IRX1: variants seen among roughly 807,000 people sequenced by gnomAD.
The protein encoded by IRX1 is iroquois homeobox 1, also known as iroquois-class homeodomain protein IRX-1.
In IRX1, 22 loss-of-function variants were observed where a neutral mutation model predicts 34.1. The observed-to-expected ratio is 0.64, with a 90% confidence interval of 0.46 to 0.92. IRX1 has a LOEUF of 0.92. Ranked by LOEUF, IRX1 falls within the 40% of genes least tolerant of loss-of-function variation. IRX1 has a pLI of 0.00. For missense variants in IRX1, 758 were observed against 680.0 expected (o/e 1.11, Z -1.28); for synonymous variants, 363 against 319.0 (o/e 1.14, Z -1.47).
At position 3,600,067 on chromosome 5, in the gene IRX1, C is replaced by T. The variant is rs529840430; in HGVS notation, c.1119C>T (p.Asn373=). 9.3e-6 allele frequency: 15 copies of T among 1,610,838 alleles called. No individual in the cohort carries two copies. In the East Asian group the frequency reaches 2.9e-4, roughly 31 times the overall value. Residue 373 remains asparagine, a synonymous_variant, in exon 2 of 4, where the codon AAC becomes AAT. Transcript: ENST00000302006. Reference sequence around the variant, plus strand: ...CCTGCCACATCGGCAAGTTCTCCAACTGGACCAACAGCGCATTCCTCGCAC... The same window carrying T: ...CCTGCCACATCGGCAAGTTCTCCAATTGGACCAACAGCGCATTCCTCGCAC... ...LYTCHIGKFS[N]WTNSAFLAQG...
At chr5:3,598,380 C>A (rs1733848483) in intron 1 of IRX1, among the ~76,000 whole-genome samples, 1 of 152,090 alleles carries the variant, frequency 6.6e-6, no homozygotes, top group Non-Finnish European at 1.5e-5. Flanking sequence ...GTGTTTGCTC[C>A]CTCCAGATCA....
Position 3,596,078 on chromosome 5 carries a change from C to A in IRX1, c.-28C>A. 1 of 1,058,092 alleles carries A rather than the reference C, an allele frequency of 9.5e-7. No homozygotes were observed. Among genetic ancestry groups the A allele is most frequent in the South Asian group, 4.3e-5 (1 of 23,188 alleles). 65.5% of individuals were successfully genotyped at this position (1,058,092 alleles called of 1,614,324 possible). A position where few individuals can be genotyped will look rare whatever the true frequency, so the allele number is the denominator to read the frequency against. On this transcript the variant is annotated 5_prime_UTR_variant, in exon 1 of 4. Coordinates refer to ENST00000302006, the MANE Select transcript of IRX1 (RefSeq NM_024337.4). ...CCTCCCCGCGCCTTTAATACTCGCC[C>A]GCTGCGGCGGTCGCCGAGTCCGCGG...
At chr5:3,596,447 C>G (rs1026919200) in intron 1 of IRX1, 66 bp downstream of exon 1, 186 of 1,355,776 alleles carry the variant, frequency 1.4e-4, no homozygotes, top group East Asian at 4.7e-4. Context: ...GGTGGCGGGT[C>G]GCCCGGGAGG....
At chr5:3,598,263 AC>A (rs748983035) in intron 1 of IRX1, among the ~76,000 whole-genome samples, 1 of 152,240 alleles carries the variant, frequency 6.6e-6, no homozygotes, top group Non-Finnish European at 1.5e-5. Flanking sequence ...AATGTTATTT[AC>A]CAAAAAACCT....
chr5:3,600,197 G>A lies in IRX1; in HGVS notation c.1249G>A (p.Ala417Thr), dbSNP rs1462568338. 1 of 1,611,732 alleles carries A rather than the reference G, an allele frequency of 6.2e-7. No homozygotes were observed. The highest frequency in any genetic ancestry group is 8.5e-7 in the Non-Finnish European group (1 of 1,179,542). Reference sequence around the variant, plus strand: ...ACCTCCACCACCGCAGCCGCCGGTCGCTATTGCCCCGGGGGCACTCAATGG... The same window carrying A: ...ACCTCCACCACCGCAGCCGCCGGTCACTATTGCCCCGGGGGCACTCAATGG... ...PAPPPPQPPV[A>T]IAPGALNGDK... is the part of the protein sequence containing the mutation. Residue 417 changes from alanine to threonine, a missense_variant, in exon 2 of 4, where the codon GCT (alanine) becomes ACT (threonine). Physicochemically the swap from Ala to Thr is moderately conservative, Grantham distance 58 (BLOSUM62 0). Around this residue, in one of 3 missense-constraint regions of IRX1, gnomAD observed 529 missense variants for 418.8 expected, o/e 1.26. Transcript: ENST00000302006.
At chr5:3,597,688 A>G (rs1000881736) in intron 1 of IRX1, among the ~76,000 whole-genome samples, 4 of 152,242 alleles carry the variant, frequency 2.6e-5, no homozygotes, top group Non-Finnish European at 4.4e-5. Flanking sequence ...CAAAATAATT[A>G]GAAAAGCGCA....
At position 3,601,232 on chromosome 5, in the gene IRX1, G is replaced by C; in HGVS notation, c.*192G>C. On this transcript the variant is annotated 3_prime_UTR_variant, in exon 4 of 4. Coordinates refer to ENST00000302006, the MANE Select transcript of IRX1 (RefSeq NM_024337.4). Reference sequence around the variant, plus strand: ...CCCGAGCTCGCGTCCAGGTGGCCAGGCCTCTGCCGGCGGCTCCAGTGGCTG... The same window carrying C: ...CCCGAGCTCGCGTCCAGGTGGCCAGCCCTCTGCCGGCGGCTCCAGTGGCTG... 1.6e-6 allele frequency: 1 copy of C among 612,524 alleles called. No homozygotes were observed. Among genetic ancestry groups the C allele is most frequent in the South Asian group, 1.9e-5 (1 of 51,454 alleles). The allele number at this position is 612,524 out of a possible 1,614,324, so 37.9% of individuals were successfully genotyped here.
Position 3,599,888 on chromosome 5 carries a change from C to A in IRX1, c.940C>A (p.Pro314Thr). 1 of 1,489,452 alleles carries A rather than the reference C, an allele frequency of 6.7e-7. No individual in the cohort carries two copies. The highest frequency in any genetic ancestry group is 8.9e-7 in the Non-Finnish European group (1 of 1,121,872). 92.3% of individuals were successfully genotyped at this position (1,489,452 alleles called of 1,614,324 possible). The change falls in exon 2 of 4, where the codon CCC (proline) becomes ACC (threonine). Residue 314 changes from proline (P) to threonine (T), a missense_variant. By Grantham distance (38) the Pro-to-Thr change is conservative. Around this residue, in one of 3 missense-constraint regions of IRX1, gnomAD observed 529 missense variants for 418.8 expected, o/e 1.26. Transcript: ENST00000302006. This position sits in a 1 kb window ranked among gnomAD's most constrained non-coding sequence, Gnocchi z 6.6. ...CCTGCAGGGTGCGCCGCACGGCAAG[C>A]CCAAGATCTGGTCGCTGGCGGAGAC... ...GGLQGAPHGKPKIWSLAETAT... is the reference protein window; with the variant it reads ...GGLQGAPHGKTKIWSLAETAT...
chr5:3,600,919 C>A, intron 3 of IRX1, 64 bp from the exon 4 acceptor site: 1 of 1,537,722 alleles, frequency 6.5e-7, no homozygotes, highest in Non-Finnish European at 9.0e-7. Context: ...ACCGGCGTCG[C>A]CCGGCGCTGC....
At chr5:3,597,686 T>C (rs1454494391) in intron 1 of IRX1, among the ~76,000 whole-genome samples, 4 of 152,228 alleles carry the variant, frequency 2.6e-5, no homozygotes, top group Admixed American at 2.0e-4. Context: ...ACCAAAATAA[T>C]TAGAAAAGCG....
At chr5:3,598,104 T>G (rs1335095857) in intron 1 of IRX1, among the ~76,000 whole-genome samples, 1 of 152,088 alleles carries the variant, frequency 6.6e-6, no homozygotes, top group Non-Finnish European at 1.5e-5. Context: ...TCTGAGAGAG[T>G]AAACTCAAAC....
At position 3,596,394 on chromosome 5, in the gene IRX1, G is replaced by C. The variant is rs1453964645; in HGVS notation, c.276+13G>C. On this transcript the variant is annotated intron_variant, in intron 1 of 3. Transcript: ENST00000302006. The stretch of plus-strand genomic sequence containing the variant: ...CTTCTCGCAGATGGTGAGTGCGCCC[G>C]GCCTCCCCCGCTTCTCCTCTGTCTC... 2 of 1,500,534 alleles carry C rather than the reference G, an allele frequency of 1.3e-6. No homozygotes were observed. The highest frequency in any genetic ancestry group is 2.2e-5 in the Admixed American group (1 of 45,342). 93.0% of individuals were successfully genotyped at this position (1,500,534 alleles called of 1,614,324 possible). A position where few individuals can be genotyped will look rare whatever the true frequency, so the allele number is the denominator to read the frequency against.
In IRX1 at chr5:3,600,121, C is replaced by A; in HGVS notation, c.1173C>A (p.Phe391Leu). ...GCTCCCTGCTCAACATGCGCTCCTT[C>A]CTGGGCGTTGGCGCTCCCCACGCCG... Reference protein sequence around the residue: ...AQGSLLNMRSFLGVGAPHAAP... With the variant: ...AQGSLLNMRSLLGVGAPHAAP... The change falls in exon 2 of 4, where the codon TTC becomes TTA. Residue 391 changes from phenylalanine to leucine, a missense_variant. Phe to Leu is a conservative substitution (Grantham distance 22, BLOSUM62 0). Around this residue, in one of 3 missense-constraint regions of IRX1, gnomAD observed 529 missense variants for 418.8 expected, o/e 1.26. Coordinates refer to ENST00000302006, the MANE Select transcript of IRX1 (RefSeq NM_024337.4). 6 of 1,613,380 alleles carry A rather than the reference C, an allele frequency of 3.7e-6. No individual in the cohort carries two copies. The South Asian group carries it at 6.6e-5, about 18-fold the overall frequency.
intron 2 of IRX1, 73 bp downstream of exon 2, chr5:3,600,333 G>C (rs949953563): frequency 5.8e-6 from 8 of 1,373,370 alleles, no homozygotes; most frequent in Non-Finnish European, 3.9e-6. Flanking sequence ...GGTAGCGTGG[G>C]GTGCAGCATG....
intron 1 of IRX1, 66 bp downstream of exon 1, chr5:3,596,447 C>T: frequency 7.4e-7 from 1 of 1,355,776 alleles, no homozygotes; most frequent in Middle Eastern, 2.8e-4. Flanking sequence ...GGTGGCGGGT[C>T]GCCCGGGAGG....
intron 3 of IRX1, 122 bp downstream of exon 3, chr5:3,600,803 G>A: frequency 6.9e-6 from 8 of 1,152,308 alleles, no homozygotes; most frequent in Non-Finnish European, 1.0e-5. Context: ...TTGAAGGAGC[G>A]CTCCCCGCCA....
chr5:3,597,243 G>T (rs374862146), intron 1 of IRX1, among the ~76,000 whole-genome samples: 4 of 152,336 alleles, frequency 2.6e-5, no homozygotes, highest in East Asian at 1.9e-4. Flanking sequence ...CTCCGCGGGG[G>T]CATTGGCCTG....
Position 3,599,657 on chromosome 5 carries a change from G to T in IRX1, c.709G>T (p.Asp237Tyr), listed in dbSNP as rs772759799. The T allele has an allele frequency of 3.7e-6, 6 of 1,613,670 alleles. No individual in the cohort carries two copies. The highest frequency in any genetic ancestry group is 3.3e-5 in the Admixed American group (2 of 60,008). Residue 237 changes from aspartate (D) to tyrosine (Y), a missense_variant, in exon 2 of 4, where the codon GAT becomes TAT. This residue lies in a region of IRX1 where 529 missense variants were observed against 418.8 expected (regional missense o/e 1.26). Transcript: ENST00000302006. This position sits in a 1 kb window ranked among gnomAD's most constrained non-coding sequence, Gnocchi z 6.6. ...CGACATTGACAAGATCGACGAGCAC[G>T]ATGGCGACCAGAGCAACGAGGATGA... ...SIDIDKIDEHDGDQSNEDDED... is the reference protein window; with the variant it reads ...SIDIDKIDEHYGDQSNEDDED...
rs1020201219 is a variant in IRX1 at position 3,601,207 on chromosome 5, C to A, written c.*167C>A. 5.9e-6 allele frequency: 4 copies of A among 680,072 alleles called. No individual in the cohort carries two copies. The highest frequency in any genetic ancestry group is 5.4e-5 in the African/African-American group (3 of 55,876). The allele number at this position is 680,072 out of a possible 1,614,324, so 42.1% of individuals were successfully genotyped here. ...TTCTGCAGAAAGGGGCTTCTTCGGT[C>A]CCGAGCTCGCGTCCAGGTGGCCAGG... On this transcript the variant is annotated 3_prime_UTR_variant, in exon 4 of 4. Coordinates refer to ENST00000302006, the MANE Select transcript of IRX1 (RefSeq NM_024337.4).
Sources: allele counts gnomAD v4.1 joint callset (sites outside exome capture counted in the v4.1 genomes callset), GRCh38; gene constraint gnomAD v4.1.1; regional missense constraint gnomAD v4.1.1; non-coding constraint Gnocchi (gnomAD v3.1); transcripts MANE v1.5; gene names NCBI Gene and HGNC (gene_info 2026-07-23, HGNC 2026-07-21).